NFS1: variants seen among roughly 807,000 people sequenced by gnomAD.
NFS1 encodes the protein NFS1 cysteine desulfurase.
A neutral mutation model predicts 57.3 loss-of-function variants in NFS1; 26 were observed. The ratio of observed to expected loss-of-function variants is 0.45; its 90% CI spans 0.33 to 0.63. The LOEUF is 0.63. NFS1 is among the 20% of genes least tolerant of loss of function. The pLI, the probability that NFS1 is intolerant of heterozygous loss-of-function variation, is 0.02. For missense variants in NFS1, 505 were observed against 605.8 expected (o/e 0.83, Z 1.75); for synonymous variants, 209 against 216.3 (o/e 0.97, Z 0.30).
chr20:35,672,106 C>T (rs1293406732), intron 12 of NFS1, among the ~76,000 whole-genome samples: 1 of 151,952 alleles, frequency 6.6e-6, no homozygotes, highest in East Asian at 1.9e-4. Context: ...TACAGGTGCC[C>T]GCCACCACGC....
Position 35,699,082 on chromosome 20 carries a change from G to A in NFS1, c.97+110C>T. 2 of 1,340,842 alleles carry A rather than the reference G, an allele frequency of 1.5e-6. No individual in the cohort carries two copies. Among genetic ancestry groups the A allele is most frequent in the East Asian group, 3.1e-5 (1 of 32,114 alleles). 83.1% of individuals were successfully genotyped at this position (1,340,842 alleles called of 1,614,324 possible). A position where few individuals can be genotyped will look rare whatever the true frequency, so the allele number is the denominator to read the frequency against. ...GAGGGATGTGTCATTTGAGAGAAGG[G>A]TCAGAGGGTCTGGGCAGCAGGGTGG... On this transcript the variant is annotated intron_variant, in intron 1 of 12. Transcript: ENST00000374092. The surrounding 1 kb of genome is among the most constrained non-coding windows in gnomAD (Gnocchi z 4.4).
intron 5 of NFS1, 105 bp downstream of exon 5, chr20:35,690,306 ACT>A (rs1349818734): frequency 5.7e-6 from 6 of 1,059,786 alleles, no homozygotes; most frequent in Non-Finnish European, 7.0e-6. Context: ...CTTCATCCTA[ACT>A]GTTAGATCTA....
intron 5 of NFS1, among the ~76,000 whole-genome samples, chr20:35,689,023 T>C (rs543472223): frequency 6.6e-6 from 1 of 152,268 alleles, no homozygotes; most frequent in South Asian, 2.1e-4. Context: ...ATATCCAAAA[T>C]CTGGTGGATA....
chr20:35,672,735 C>A lies in NFS1; in HGVS notation c.1310+20G>T. ...AGTGCTAGAGTTTCTTCCAAAGCGT[C>A]TCTGATACAATATGTATACCTCATT... On this transcript the variant is annotated intron_variant, in intron 12 of 12. Transcript: ENST00000374092. 5 of 1,553,598 alleles carry A rather than the reference C, an allele frequency of 3.2e-6. No individual in the cohort carries two copies.
intron 5 of NFS1, among the ~76,000 whole-genome samples, chr20:35,685,973 A>G (rs1245242983): frequency 3.4e-5 from 5 of 146,774 alleles, no homozygotes; most frequent in African/African-American, 1.0e-4. Context: ...TTTGTCACCC[A>G]GGCTAGAGTG....
intron 4 of NFS1, among the ~76,000 whole-genome samples, chr20:35,693,016 GAATT>G (rs1173184014): frequency 1.3e-5 from 2 of 150,310 alleles, no homozygotes; most frequent in African/African-American, 4.9e-5. Flanking sequence ...AAAAAAAAAA[GAATT>G]AACAGTATCA....
rs2034621330 is a variant in NFS1 at position 35,669,696 on chromosome 20, G to A, written c.1311-11C>T. ...ATCTCCCAGAGAGGGCTGCCAAAGA[G>A]AAGAGGCATTAAATGAGTGAGGGCT... is the stretch of plus-strand genomic sequence containing the variant. On this transcript the variant is annotated splice_polypyrimidine_tract_variant and intron_variant, in intron 12 of 12. Transcript: ENST00000374092. 6.2e-7 allele frequency: 1 copy of A among 1,613,602 alleles called. No homozygotes were observed. Among genetic ancestry groups the A allele is most frequent in the African/African-American group, 1.3e-5 (1 of 74,894 alleles).
intron 12 of NFS1, among the ~76,000 whole-genome samples, chr20:35,672,411 G>A (rs1384327892): frequency 2.0e-5 from 3 of 152,084 alleles, no homozygotes; most frequent in East Asian, 1.9e-4. Context: ...CACCACTCCC[G>A]GCTAATTTTT....
intron 12 of NFS1, among the ~76,000 whole-genome samples, chr20:35,670,800 A>C (rs1054723897): frequency 1.3e-5 from 2 of 152,208 alleles, no homozygotes; most frequent in African/African-American, 2.4e-5. Flanking sequence ...AGTGAGGACA[A>C]AGGAAGGGTC....
chr20:35,674,515 G>A lies in NFS1; in HGVS notation c.1051C>T (p.Pro351Ser). 2.5e-6 allele frequency: 4 copies of A among 1,613,420 alleles called. No homozygotes were observed. In the South Asian group the frequency reaches 4.4e-5, roughly 18 times the overall value. The change falls in exon 9 of 13, where the codon CCC becomes TCC. Residue 351 changes from proline to serine, a missense_variant. By Grantham distance (74) the Pro-to-Ser change is moderately conservative. Coordinates refer to ENST00000374092, the MANE Select transcript of NFS1 (RefSeq NM_021100.5). Reference sequence around the variant, plus strand: ...GATAGAAAGAGCAAGTCCATACCGGGATAATGGTGCTTAGGGTCCCCATTC... The same window carrying A: ...GATAGAAAGAGCAAGTCCATACCGGAATAATGGTGCTTAGGGTCCCCATTC... The part of the protein sequence containing the change: ...VMNGDPKHHY[P>S]GCINLSFAYV...
intron 6 of NFS1, 102 bp from the exon 7 acceptor site, chr20:35,680,973 A>C (rs2034839197): frequency 1.0e-6 from 1 of 985,974 alleles, no homozygotes; most frequent in Non-Finnish European, 1.4e-6. Flanking sequence ...ATGACCTGTA[A>C]ATATTAAACT....
At position 35,696,385 on chromosome 20, in the gene NFS1, C is replaced by T; in HGVS notation, c.400G>A (p.Ala134Thr). The change falls in exon 4 of 13, where the codon GCA becomes ACA. Residue 134 changes from alanine to threonine, a missense_variant. Physicochemically the swap from Ala to Thr is moderately conservative, Grantham distance 58 (BLOSUM62 0). Transcript: ENST00000374092. ...TSGATESNNI[A>T]IKGVARFYRS... ...TGGTTCCCTTCTCTTACCTTAATTG[C>T]TATGTTGTTGGATTCAGTAGCACCA... The T allele has an allele frequency of 2.5e-6, 4 of 1,611,888 alleles. No individual in the cohort carries two copies. The highest frequency in any genetic ancestry group is 3.4e-6 in the Non-Finnish European group (4 of 1,177,976).
intron 5 of NFS1, among the ~76,000 whole-genome samples, chr20:35,688,720 A>C (rs2034987971): frequency 6.6e-6 from 1 of 151,060 alleles, no homozygotes. Flanking sequence ...AAAAAAAGAA[A>C]GACAGAGGGA....
At chr20:35,686,843 T>C (rs956935889) in intron 5 of NFS1, among the ~76,000 whole-genome samples, 1 of 152,308 alleles carries the variant, frequency 6.6e-6, no homozygotes, top group African/African-American at 2.4e-5. Flanking sequence ...TATGATTATA[T>C]ATGAATATCA....
intron 4 of NFS1, among the ~76,000 whole-genome samples, chr20:35,692,604 A>G (rs1037888481): frequency 6.7e-6 from 1 of 148,714 alleles, no homozygotes; most frequent in Admixed American, 6.8e-5. Context: ...GCTACTCAGG[A>G]GGATCACCTG....
At chr20:35,672,212 C>G (rs918836281) in intron 12 of NFS1, among the ~76,000 whole-genome samples, 5 of 151,998 alleles carry the variant, frequency 3.3e-5, no homozygotes, top group African/African-American at 1.2e-4. Context: ...CCCACCTCAG[C>G]CTCCCAGAGT....
At chr20:35,682,333 A>G (rs2034861474) in intron 5 of NFS1, among the ~76,000 whole-genome samples, 1 of 152,248 alleles carries the variant, frequency 6.6e-6, no homozygotes, top group Non-Finnish European at 1.5e-5. Flanking sequence ...AATGTTCACA[A>G]TAACTTTATT....
intron 7 of NFS1, among the ~76,000 whole-genome samples, chr20:35,678,310 A>G (rs1659016935): frequency 1.3e-5 from 2 of 151,612 alleles, no homozygotes; most frequent in African/African-American, 4.9e-5. Flanking sequence ...AGCCAAGATC[A>G]CGCCACTGTA....
At chr20:35,682,206 T>G (rs2034859165) in intron 5 of NFS1, among the ~76,000 whole-genome samples, 1 of 152,212 alleles carries the variant, frequency 6.6e-6, no homozygotes, top group Non-Finnish European at 1.5e-5. Context: ...GGAAAACAGT[T>G]TGACAGTTTC....
Sources: allele counts gnomAD v4.1 joint callset (sites outside exome capture counted in the v4.1 genomes callset), GRCh38; gene constraint gnomAD v4.1.1; non-coding constraint Gnocchi (gnomAD v3.1); transcripts MANE v1.5; gene names NCBI Gene and HGNC (gene_info 2026-07-23, HGNC 2026-07-21).